NGEF: variants seen among roughly 807,000 people sequenced by gnomAD.
The protein encoded by NGEF is ephexin-1.
In NGEF, 31 loss-of-function variants were observed where a neutral mutation model predicts 80.9. The ratio of observed to expected loss-of-function variants is 0.38; its 90% CI spans 0.29 to 0.52. The LOEUF is 0.52. Among genes scored for constraint, NGEF ranks in the 20% least tolerant of loss-of-function variants. The pLI is 0.84. For synonymous variants in NGEF, 371 were observed against 370.2 expected, an observed-to-expected ratio of 1.00 and a Z score of -0.03; for missense variants, 709 against 926.2, an observed-to-expected ratio of 0.77 and a Z score of 3.04.
At chr2:232,948,486 C>T (rs1453062676) in intron 3 of NGEF, among the ~76,000 whole-genome samples, 1 of 151,864 alleles carries the variant, frequency 6.6e-6, no homozygotes, top group African/African-American at 2.4e-5. Context: ...ATAATGATGT[C>T]TGCAATTTAG....
rs1412030829 is a variant in NGEF, at chr2:232,888,124, G to A, written c.1273-17C>T. On this transcript the variant is annotated splice_polypyrimidine_tract_variant and intron_variant, in intron 8 of 14. Transcript: ENST00000264051. Reference sequence around the variant, plus strand: ...CAGGATGTTCTATGCACAGAGAAAGGCTGCGTTAACTTTAATCTTTTCTGG... The same window carrying A: ...CAGGATGTTCTATGCACAGAGAAAGACTGCGTTAACTTTAATCTTTTCTGG... The A allele has an allele frequency of 6.4e-7, 1 of 1,566,300 alleles. No homozygotes were observed. Among genetic ancestry groups the A allele is most frequent in the African/African-American group, 1.4e-5 (1 of 72,654 alleles).
intron 3 of NGEF, among the ~76,000 whole-genome samples, chr2:232,944,330 A>G (rs1255716070): frequency 1.3e-5 from 2 of 152,186 alleles, no homozygotes; most frequent in Non-Finnish European, 2.9e-5. Context: ...CCCTGCAGAC[A>G]CACACTCTGA....
At chr2:232,927,904 G>A in intron 3 of NGEF, 1 of 1,314,528 alleles carries the variant, frequency 7.6e-7, no homozygotes, top group Non-Finnish European at 9.7e-7. Flanking sequence ...TGCCGGGCAG[G>A]TGTCCCGCCG....
intron 5 of NGEF, among the ~76,000 whole-genome samples, chr2:232,899,492 A>T (rs1692204951): frequency 6.6e-6 from 1 of 152,194 alleles, no homozygotes; most frequent in Non-Finnish European, 1.5e-5. Flanking sequence ...CTGATGGGTC[A>T]GGGGTCTCCT....
chr2:232,894,341 C>T (rs558397060), intron 6 of NGEF, among the ~76,000 whole-genome samples: 3 of 152,352 alleles, frequency 2.0e-5, no homozygotes, highest in South Asian at 2.1e-4. Flanking sequence ...GCCCTGCATG[C>T]GCCACTGGGG....
intron 3 of NGEF, among the ~76,000 whole-genome samples, chr2:232,962,218 C>A (rs1693967202): frequency 6.6e-6 from 1 of 152,190 alleles, no homozygotes; most frequent in African/African-American, 2.4e-5. Context: ...GCAAGAGAAA[C>A]AAATAGAAGT....
chr2:232,961,813 A>C (rs1371825439), intron 3 of NGEF, among the ~76,000 whole-genome samples: 1 of 152,174 alleles, frequency 6.6e-6, no homozygotes, highest in South Asian at 2.1e-4. Flanking sequence ...AAGAGTCCCC[A>C]GTGGCTGTGT....
At chr2:232,947,359 T>C (rs1280745735) in intron 3 of NGEF, among the ~76,000 whole-genome samples, 2 of 152,002 alleles carry the variant, frequency 1.3e-5, no homozygotes, top group Non-Finnish European at 2.9e-5. Context: ...ACACAGGGAG[T>C]GATGTGATCT....
At chr2:232,889,012 C>A (rs537219097) in intron 8 of NGEF, among the ~76,000 whole-genome samples, 1 of 152,150 alleles carries the variant, frequency 6.6e-6, no homozygotes, top group Admixed American at 6.5e-5. Flanking sequence ...CCTGTCCTCC[C>A]GGCTGCTGGG....
At chr2:232,995,673 T>C (rs1282535018) in intron 1 of NGEF, among the ~76,000 whole-genome samples, 1 of 120,676 alleles carries the variant, frequency 8.3e-6, no homozygotes, top group Non-Finnish European at 1.8e-5. Flanking sequence ...AGTGTATATA[T>C]GTATTATATA....
intron 3 of NGEF, among the ~76,000 whole-genome samples, chr2:232,947,581 C>T (rs559085121): frequency 4.4e-4 from 67 of 152,326 alleles, no homozygotes; most frequent in African/African-American, 1.6e-3. Flanking sequence ...CTCTCCCTCA[C>T]CTGCTGCCAT....
intron 3 of NGEF, among the ~76,000 whole-genome samples, chr2:232,943,463 C>T (rs899399935): frequency 2.6e-5 from 4 of 151,908 alleles, no homozygotes; most frequent in Admixed American, 1.3e-4. Context: ...CTGTCTCCAC[C>T]GACTGTATAG....
intron 3 of NGEF, among the ~76,000 whole-genome samples, chr2:232,956,285 C>A (rs1273015463): frequency 6.6e-6 from 1 of 152,112 alleles, no homozygotes; most frequent in African/African-American, 2.4e-5. Context: ...GAGAAACAAG[C>A]TTATGGGTCC....
chr2:232,948,784 G>A (rs183241693), intron 3 of NGEF, among the ~76,000 whole-genome samples: 9 of 152,242 alleles, frequency 5.9e-5, no homozygotes, highest in African/African-American at 9.6e-5. Flanking sequence ...TTGGGAGGCC[G>A]GGGCAGGCGG....
chr2:232,994,596 G>C (rs1694740340), intron 1 of NGEF, among the ~76,000 whole-genome samples: 1 of 152,160 alleles, frequency 6.6e-6, no homozygotes, highest in Non-Finnish European at 1.5e-5. Context: ...GGAAGCTGTG[G>C]GTGTTGGGAG....
chr2:232,906,397 G>T lies in NGEF; in HGVS notation c.829-11481C>A, dbSNP rs1452238720. Among the ~76,000 whole-genome samples the T allele has an allele frequency of 1.8e-5, 2 of 113,184 alleles. 1 individual carries two copies. The highest frequency in any genetic ancestry group is 3.9e-5 in the Non-Finnish European group (2 of 51,522). 74.3% of individuals were successfully genotyped at this position (113,184 alleles called of 152,430 possible). A position where few individuals can be genotyped will look rare whatever the true frequency, so the allele number is the denominator to read the frequency against. Reference sequence around the variant, plus strand: ...GCCGCCCCGTCCGGGAGGGAGGTGGGGGGGTCAGCCCCCCGCCCGGTCAGC... The same window carrying T: ...GCCGCCCCGTCCGGGAGGGAGGTGGTGGGGTCAGCCCCCCGCCCGGTCAGC... On this transcript the variant is annotated intron_variant, in intron 5 of 14. Transcript: ENST00000264051.
rs67252740 is a variant in NGEF, at chr2:232,879,420, G to GCCCCCCC, written c.*62_*68dup. The GCCCCCCC allele has an allele frequency of 1.2e-4, 142 of 1,231,392 alleles. 6 individuals carry two copies. In the South Asian group the frequency reaches 1.5e-3, roughly 13 times the overall value. 76.3% of individuals were successfully genotyped at this position (1,231,392 alleles called of 1,614,324 possible). A position where few individuals can be genotyped will look rare whatever the true frequency, so the allele number is the denominator to read the frequency against. ...GAGGTGCTGGCCTGTGCTTCCCAGA[G>GCCCCCCC]CCCCCCCCCCCCCACCTTCTGTCGG... is the stretch of plus-strand genomic sequence containing the variant. On this transcript the variant is annotated 3_prime_UTR_variant, in exon 15 of 15. Transcript: ENST00000264051.
At chr2:233,000,633 G>C (rs546218885) in intron 1 of NGEF, among the ~76,000 whole-genome samples, 3 of 151,974 alleles carry the variant, frequency 2.0e-5, no homozygotes, top group Admixed American at 2.0e-4. Flanking sequence ...GGTGGCGGGC[G>C]CCTGTAGTCC....
At position 233,013,065 on chromosome 2, in the gene NGEF, C is replaced by T. The variant is rs1050798719; in HGVS notation, c.-75+3G>A. ...TTAAAAAATACCAAAACCATTCTCTCACCTGCCAGAGAGGAGCTCATAGGA... is the reference window on the plus strand; with the variant it reads ...TTAAAAAATACCAAAACCATTCTCTTACCTGCCAGAGAGGAGCTCATAGGA... On this transcript the variant is annotated splice_donor_region_variant and intron_variant, in intron 1 of 14. Coordinates refer to ENST00000264051, the MANE Select transcript of NGEF (RefSeq NM_019850.3). 7.9e-5 allele frequency: 37 copies of T among 466,460 alleles called. No individual in the cohort carries two copies. The highest frequency in any genetic ancestry group is 7.4e-4 in the African/African-American group (37 of 49,902). The allele number at this position is 466,460 out of a possible 1,614,324, so 28.9% of individuals were successfully genotyped here.
Sources: allele counts gnomAD v4.1 joint callset (sites outside exome capture counted in the v4.1 genomes callset), GRCh38; gene constraint gnomAD v4.1.1; transcripts MANE v1.5; gene names NCBI Gene and HGNC (gene_info 2026-07-23, HGNC 2026-07-21).